The following MYO1D variants were observed in gnomAD, a reference collection of about 807,000 sequenced individuals.
MYO1D encodes unconventional myosin-Id.
MYO1D carries 83 observed loss-of-function variants against 122.0 expected under a neutral mutation model. The ratio of observed to expected loss-of-function variants is 0.68; its 90% CI spans 0.57 to 0.82. MYO1D has a LOEUF of 0.82. MYO1D is among the 40% of genes least tolerant of loss of function. The probability of loss-of-function intolerance (pLI) is 0.00; values close to 1 mark genes in which losing one functional copy is unlikely to be tolerated. For synonymous variants in MYO1D, 464 were observed against 446.9 expected, an observed-to-expected ratio of 1.04 and a Z score of -0.48; for missense variants, 1,157 against 1,269.5, an observed-to-expected ratio of 0.91 and a Z score of 1.35.
intron 21 of MYO1D, among the ~76,000 whole-genome samples, chr17:32,550,954 C>A (rs1002935337): frequency 7.9e-6 from 1 of 126,880 alleles, no homozygotes; most frequent in Non-Finnish European, 1.6e-5. Flanking sequence ...CAGCCCTAGG[C>A]AACAGAGTGT....
At chr17:32,755,734 T>C in intron 10 of MYO1D, 72 bp from the exon 11 acceptor site, 1 of 1,323,654 alleles carries the variant, frequency 7.6e-7, no homozygotes, top group Non-Finnish European at 1.0e-6. Flanking sequence ...GATGCTCCCA[T>C]TTGTATCAGG....
chr17:32,594,250 A>G lies in MYO1D; in HGVS notation c.2864+10837T>C, dbSNP rs540762289. 143 of 270,906 alleles carry G rather than the reference A, an allele frequency of 5.3e-4. 1 individual carries two copies. Among genetic ancestry groups the G allele is most frequent in the African/African-American group, 3.0e-3 (139 of 46,156 alleles). The allele number at this position is 270,906 out of a possible 1,614,324, so 16.8% of individuals were successfully genotyped here. A position where few individuals can be genotyped will look rare whatever the true frequency, so the allele number is the denominator to read the frequency against. On this transcript the variant is annotated intron_variant, in intron 21 of 21. Transcript: ENST00000318217. ...ATTGAATATAAGATGCCTTCTCTGT[A>G]AGATGTACCCTTATTTTGTATATTG...
rs572535443 is a variant in MYO1D at position 32,494,612 on chromosome 17, C to T, written c.*147G>A. 1.0e-6 allele frequency: 1 copy of T among 979,258 alleles called. No individual in the cohort carries two copies. The highest frequency in any genetic ancestry group is 1.7e-5 in the South Asian group (1 of 58,200). 60.7% of individuals were successfully genotyped at this position (979,258 alleles called of 1,614,324 possible). ...GGAAGATGATACCAAAGGCAGAAAA[C>T]CAGGAAGGAAATCTTACAGGGGCGG... On this transcript the variant is annotated 3_prime_UTR_variant, in exon 22 of 22. Transcript: ENST00000318217.
intron 20 of MYO1D, among the ~76,000 whole-genome samples, chr17:32,633,792 C>T (rs2088057085): frequency 1.3e-5 from 2 of 152,146 alleles, no homozygotes; most frequent in African/African-American, 4.8e-5. Context: ...ACGGTTCATT[C>T]CTTAACTCCT....
intron 21 of MYO1D, among the ~76,000 whole-genome samples, chr17:32,582,962 T>G (rs2087355411): frequency 6.6e-6 from 1 of 152,218 alleles, no homozygotes; most frequent in Admixed American, 6.5e-5. Context: ...AATTTGCTTG[T>G]GTAGCTAATA....
At chr17:32,692,603 T>C (rs1395930784) in intron 16 of MYO1D, among the ~76,000 whole-genome samples, 2 of 152,218 alleles carry the variant, frequency 1.3e-5, no homozygotes, top group African/African-American at 2.4e-5. Context: ...TTAATACTTG[T>C]TATCTAATTA....
intron 21 of MYO1D, among the ~76,000 whole-genome samples, chr17:32,537,665 T>A (rs753795926): frequency 1.1e-4 from 16 of 152,172 alleles, no homozygotes; most frequent in Non-Finnish European, 1.9e-4. Context: ...GAACTGAGGG[T>A]TGTCCATTAG....
At chr17:32,640,903 C>G (rs2088189836) in intron 19 of MYO1D, among the ~76,000 whole-genome samples, 1 of 151,442 alleles carries the variant, frequency 6.6e-6, no homozygotes. Flanking sequence ...TATATTTTTT[C>G]CTTTTTAAAA....
intron 10 of MYO1D, among the ~76,000 whole-genome samples, chr17:32,756,883 A>G (rs778005580): frequency 3.3e-5 from 5 of 152,170 alleles, no homozygotes; most frequent in Non-Finnish European, 7.3e-5. Context: ...ATCCTCTGCC[A>G]CACCTGTTTA....
rs545695556 is a variant in MYO1D, at chr17:32,654,034, C to T, written c.2491-87G>A. The T allele has an allele frequency of 1.2e-4, 121 of 1,021,234 alleles. No individual in the cohort carries two copies. The South Asian group carries it at 1.7e-3, about 14-fold the overall frequency. 63.3% of individuals were successfully genotyped at this position (1,021,234 alleles called of 1,614,324 possible). A position where few individuals can be genotyped will look rare whatever the true frequency, so the allele number is the denominator to read the frequency against. ...CTTTCAGTGTACTGCTTTATAACTA[C>T]ACTTATATAGTTTCACACATGCACT... is the stretch of plus-strand genomic sequence containing the variant. On this transcript the variant is annotated intron_variant, in intron 18 of 21. Coordinates refer to ENST00000318217, the MANE Select transcript of MYO1D (RefSeq NM_015194.3).
intron 16 of MYO1D, among the ~76,000 whole-genome samples, chr17:32,697,044 T>C (rs1263871552): frequency 2.6e-5 from 4 of 152,202 alleles, no homozygotes; most frequent in Non-Finnish European, 4.4e-5. Context: ...TTCCAGAAAG[T>C]GTCCTCTCCC....
intron 16 of MYO1D, among the ~76,000 whole-genome samples, chr17:32,693,054 A>G (rs1741858304): frequency 6.6e-6 from 1 of 152,172 alleles, no homozygotes; most frequent in Non-Finnish European, 1.5e-5. Context: ...CAAGCTTTTG[A>G]TTGTATACAT....
At chr17:32,576,230 A>C (rs2087277340) in intron 21 of MYO1D, among the ~76,000 whole-genome samples, 1 of 152,206 alleles carries the variant, frequency 6.6e-6, no homozygotes, top group African/African-American at 2.4e-5. Flanking sequence ...TTTAGGTTCT[A>C]AGCACTATGA....
intron 1 of MYO1D, 36 bp downstream of exon 1, chr17:32,876,742 G>A (rs897114859): frequency 2.0e-6 from 3 of 1,467,332 alleles, no homozygotes; most frequent in Admixed American, 2.4e-5. Context: ...GGAAAGCGCA[G>A]CCTCGCGCCC....
intron 7 of MYO1D, 104 bp from the exon 8 acceptor site, chr17:32,765,185 C>A: frequency 1.1e-6 from 1 of 885,338 alleles, no homozygotes. Flanking sequence ...ACCTATTTTC[C>A]TAAATACATT....
chr17:32,730,933 G>T (rs1231327908), intron 14 of MYO1D, among the ~76,000 whole-genome samples: 1 of 130,134 alleles, frequency 7.7e-6, no homozygotes, highest in Non-Finnish European at 1.5e-5. Context: ...TTCAGAGACA[G>T]TCTTGCTCTG....
intron 1 of MYO1D, among the ~76,000 whole-genome samples, chr17:32,850,484 T>C (rs1379878655): frequency 2.0e-5 from 3 of 152,222 alleles, no homozygotes; most frequent in African/African-American, 7.2e-5. Context: ...TTGATATTAA[T>C]TTTTTAAAAG....
intron 11 of MYO1D, among the ~76,000 whole-genome samples, chr17:32,750,742 T>C (rs1476840820): frequency 1.3e-5 from 2 of 152,216 alleles, no homozygotes; most frequent in East Asian, 3.8e-4. Flanking sequence ...AAGTGAATAA[T>C]TACAGGAAAT....
chr17:32,810,610 G>A (rs1221762621), intron 1 of MYO1D, among the ~76,000 whole-genome samples: 2 of 151,918 alleles, frequency 1.3e-5, no homozygotes, highest in Admixed American at 6.6e-5. Flanking sequence ...CCAAGTAGCT[G>A]GGATTACAGG....
Sources: allele counts gnomAD v4.1 joint callset (sites outside exome capture counted in the v4.1 genomes callset), GRCh38; gene constraint gnomAD v4.1.1; transcripts MANE v1.5; gene names NCBI Gene and HGNC (gene_info 2026-07-23, HGNC 2026-07-21).